FREM2: variants seen among roughly 807,000 people sequenced by gnomAD.
FREM2 encodes FRAS1 related extracellular matrix 2.
FREM2 carries 119 observed loss-of-function variants against 219.9 expected under a neutral mutation model. The observed-to-expected ratio is 0.54, with a 90% confidence interval of 0.47 to 0.63. The LOEUF (loss-of-function observed/expected upper bound fraction) is 0.63. Ranked by LOEUF, FREM2 falls within the 30% of genes least tolerant of loss-of-function variation. FREM2 has a pLI of 0.00. For missense variants in FREM2, 4,030 were observed against 3,993.6 expected, an observed-to-expected ratio of 1.01 and a Z score of -0.25; for synonymous variants, 1,562 against 1,522.8, an observed-to-expected ratio of 1.03 and a Z score of -0.60.
chr13:38,800,507 A>G (rs535302820), intron 6 of FREM2, among the ~76,000 whole-genome samples: 1 of 152,224 alleles, frequency 6.6e-6, no homozygotes, highest in East Asian at 1.9e-4. Context: ...GACTTTAGAC[A>G]CTTTGACTAT....
chr13:38,690,634 C>G lies in FREM2; in HGVS notation c.3290C>G (p.Ser1097Cys), dbSNP rs746788615. 6.2e-7 allele frequency: 1 copy of G among 1,613,660 alleles called. No individual in the cohort carries two copies. Among genetic ancestry groups the G allele is most frequent in the Non-Finnish European group, 8.5e-7 (1 of 1,179,826 alleles). The change falls in exon 1 of 24, where the codon TCC becomes TGC. Residue 1097 changes from serine (S) to cysteine (C), a missense_variant. Around this residue, in one of 2 missense-constraint regions of FREM2, gnomAD observed 3,102 missense variants for 2,950.7 expected, o/e 1.05. Transcript: ENST00000280481. The part of the protein sequence containing the change: ...SVHISAEDVD[S>C]LNDDILCTIV... ...CATATAAGTGCTGAAGATGTCGACT[C>G]CCTGAATGATGACATCTTGTGCACT... is the stretch of plus-strand genomic sequence containing the variant.
chr13:38,834,166 C>T (rs964917220), intron 6 of FREM2, among the ~76,000 whole-genome samples: 1 of 152,078 alleles, frequency 6.6e-6, no homozygotes, highest in African/African-American at 2.4e-5. Flanking sequence ...TATCCCTCCC[C>T]TTGATCCCCA....
At chr13:38,869,566 A>G (rs978153903) in intron 16 of FREM2, among the ~76,000 whole-genome samples, 3 of 152,238 alleles carry the variant, frequency 2.0e-5, no homozygotes, top group Admixed American at 6.5e-5. Context: ...TAAGAATTTT[A>G]CTTGCCAAGA....
In FREM2 at chr13:38,690,304, A is replaced by C. The variant is rs1312546172; in HGVS notation, c.2960A>C (p.Asp987Ala). The C allele has an allele frequency of 1.2e-6, 2 of 1,614,104 alleles. No homozygotes were observed. The highest frequency in any genetic ancestry group is 1.7e-5 in the Admixed American group (1 of 60,014). The part of the protein sequence containing the change: ...DDLMLTFLLE[D>A]PPLYGEILVN... ...TTGATGTTGACTTTCCTCTTGGAAG[A>C]TCCACCTTTGTATGGGGAAATCTTG... Residue 987 changes from aspartate (D) to alanine (A), a missense_variant, in exon 1 of 24, where the codon GAT becomes GCT. By Grantham distance (126) the Asp-to-Ala change is moderately radical. Coordinates refer to ENST00000280481, the MANE Select transcript of FREM2 (RefSeq NM_207361.6).
intron 7 of FREM2, 139 bp downstream of exon 7, chr13:38,846,861 T>A: frequency 3.2e-6 from 3 of 931,114 alleles, no homozygotes; most frequent in Non-Finnish European, 5.1e-6. Flanking sequence ...ATTATTACTC[T>A]AGGAGGTAAA....
intron 2 of FREM2, among the ~76,000 whole-genome samples, chr13:38,721,293 T>C (rs1045953184): frequency 6.6e-6 from 1 of 150,426 alleles, no homozygotes; most frequent in Non-Finnish European, 1.5e-5. Flanking sequence ...TTGAGGAGAG[T>C]GATGTAAACT....
Position 38,851,752 on chromosome 13 carries a change from T to C in FREM2, c.6809T>C (p.Val2270Ala), listed in dbSNP as rs1305152506. The C allele has an allele frequency of 2.5e-6, 4 of 1,613,482 alleles. No individual in the cohort carries two copies. Among genetic ancestry groups the C allele is most frequent in the Non-Finnish European group, 3.4e-6 (4 of 1,179,504 alleles). Residue 2270 changes from valine to alanine, a missense_variant, in exon 11 of 24, where the codon GTG becomes GCG. By Grantham distance (64) the Val-to-Ala change is moderately conservative. Coordinates refer to ENST00000280481, the MANE Select transcript of FREM2 (RefSeq NM_207361.6). Reference sequence around the variant, plus strand: ...GAACCCAAAGAACCTGGAGAGTCGGTGGTTATAAGAATTCCAGTGATTCGC... The same window carrying C: ...GAACCCAAAGAACCTGGAGAGTCGGCGGTTATAAGAATTCCAGTGATTCGC... ...VTEPKEPGES[V>A]VIRIPVIRQG...
At chr13:38,830,952 C>A (rs543554946) in intron 6 of FREM2, among the ~76,000 whole-genome samples, 1 of 152,086 alleles carries the variant, frequency 6.6e-6, no homozygotes, top group Non-Finnish European at 1.5e-5. Context: ...ATCCTTGACT[C>A]GGAGAAATGT....
At chr13:38,729,722 G>A (rs1029755036) in intron 2 of FREM2, among the ~76,000 whole-genome samples, 15 of 152,130 alleles carry the variant, frequency 9.9e-5, no homozygotes, top group Admixed American at 6.6e-4. Flanking sequence ...TGTGGGCTCC[G>A]TTATATCTAG....
At chr13:38,698,430 A>G (rs550664955) in intron 2 of FREM2, among the ~76,000 whole-genome samples, 11 of 152,112 alleles carry the variant, frequency 7.2e-5, no homozygotes, top group Admixed American at 3.3e-4. Context: ...TATTATTCTC[A>G]TTACTCCCCC....
Position 38,846,636 on chromosome 13 carries a change from T to G in FREM2, c.6083T>G (p.Val2028Gly). 6.2e-7 allele frequency: 1 copy of G among 1,613,816 alleles called. No individual in the cohort carries two copies. Among genetic ancestry groups the G allele is most frequent in the Non-Finnish European group, 8.5e-7 (1 of 1,179,812 alleles). ...SVDESAGYVE[V>G]QVWRTGTDLS... ...GATGAGAGTGCTGGCTATGTGGAAG[T>G]GCAGGTGTGGAGAACGGGCACTGAC... Residue 2028 changes from valine (V) to glycine (G), a missense_variant, in exon 7 of 24, where the codon GTG becomes GGG. This residue lies in a region of FREM2 where 3,102 missense variants were observed against 2,950.7 expected (regional missense o/e 1.05). Transcript: ENST00000280481.
rs142891464 is a variant in FREM2 at position 38,874,152 on chromosome 13, T to G, written c.8177-330T>G. On this transcript the variant is annotated intron_variant, in intron 17 of 23. Transcript: ENST00000280481. ...CTATTTCTATTTACATGTCCGAATC[T>G]CCATCATTTTGACAATTTTGTCATG... Among the ~76,000 whole-genome samples, 676 of 152,296 alleles carry G rather than the reference T, an allele frequency of 4.4e-3. 4 individuals carry two copies. The highest frequency in any genetic ancestry group is 0.016 in the African/African-American group (650 of 41,568).
intron 4 of FREM2, among the ~76,000 whole-genome samples, chr13:38,775,315 A>G (rs143792882): frequency 1.3e-5 from 2 of 152,204 alleles, no homozygotes; most frequent in African/African-American, 4.8e-5. Context: ...TAATGAAACG[A>G]TAGTACGCTG....
Position 38,697,774 on chromosome 13 carries a change from A to T in FREM2, c.5250A>T (p.Ala1750=). ...ANATSDMFYF[A]VEDGGGNKLT... ...CCACAAGTGATATGTTCTATTTTGC[A>T]GTTGAAGATGGTGGTAAGTATTCCC... The change falls in exon 2 of 24, where the codon GCA becomes GCT. Residue 1750 remains alanine (A), a synonymous_variant. Coordinates refer to ENST00000280481, the MANE Select transcript of FREM2 (RefSeq NM_207361.6). The T allele has an allele frequency of 1.3e-6, 2 of 1,599,720 alleles. No homozygotes were observed. Among genetic ancestry groups the T allele is most frequent in the East Asian group, 2.2e-5 (1 of 44,786 alleles).
intron 6 of FREM2, among the ~76,000 whole-genome samples, chr13:38,827,734 G>C (rs1238994183): frequency 6.6e-6 from 1 of 152,128 alleles, no homozygotes; most frequent in Non-Finnish European, 1.5e-5. Flanking sequence ...AGGACTGTGA[G>C]ATGATGTTTT....
At position 38,688,537 on chromosome 13, in the gene FREM2, C is replaced by G; in HGVS notation, c.1193C>G (p.Pro398Arg). The G allele has an allele frequency of 6.2e-7, 1 of 1,613,952 alleles. No homozygotes were observed. Residue 398 changes from proline to arginine, a missense_variant, in exon 1 of 24, where the codon CCT (proline) becomes CGT (arginine). Pro to Arg is a moderately radical substitution (Grantham distance 103). This residue lies in a region of FREM2 where 3,102 missense variants were observed against 2,950.7 expected (regional missense o/e 1.05). Coordinates refer to ENST00000280481, the MANE Select transcript of FREM2 (RefSeq NM_207361.6). ...CTCCTGAAGATTGCCTACCAGCCCC[C>G]TTCTGAAGACTCTGACCAGGAGCGC... ...LRLLKIAYQPPSEDSDQERLF... is the reference protein window; with the variant it reads ...LRLLKIAYQPRSEDSDQERLF...
At chr13:38,754,892 G>GATT (rs1380525716) in intron 2 of FREM2, among the ~76,000 whole-genome samples, 960 of 76,630 alleles carry the variant, frequency 0.013, 4 homozygotes, top group African/African-American at 0.02. Flanking sequence ...TGATGATGAT[G>GATT]ATGATGATGA....
chr13:38,726,605 T>C (rs920801650), intron 2 of FREM2, among the ~76,000 whole-genome samples: 6 of 152,290 alleles, frequency 3.9e-5, no homozygotes, highest in Non-Finnish European at 7.4e-5. Context: ...AGAACTACTC[T>C]GTCACTCTTC....
At chr13:38,852,170 T>C (rs1225323413) in intron 11 of FREM2, among the ~76,000 whole-genome samples, 1 of 152,152 alleles carries the variant, frequency 6.6e-6, no homozygotes, top group African/African-American at 2.4e-5. Context: ...TGTTTATCAT[T>C]CCACACTCTA....
Sources: allele counts gnomAD v4.1 joint callset (sites outside exome capture counted in the v4.1 genomes callset), GRCh38; gene constraint gnomAD v4.1.1; regional missense constraint gnomAD v4.1.1; transcripts MANE v1.5; gene names NCBI Gene and HGNC (gene_info 2026-07-23, HGNC 2026-07-21).